SKOR1: variants seen among roughly 807,000 people sequenced by gnomAD.
SKOR1 encodes the protein SKI family transcriptional corepressor 1, also known as LBX1 corepressor 1.
A neutral mutation model predicts 72.4 loss-of-function variants in SKOR1; 38 were observed. The ratio of observed to expected loss-of-function variants is 0.52; its 90% confidence interval spans 0.40 to 0.69. The LOEUF is 0.69. Among genes scored for constraint, SKOR1 ranks in the 30% least tolerant of loss-of-function variants. The pLI is 0.00. For missense variants in SKOR1, 1,320 were observed against 1,343.2 expected (o/e 0.98, Z 0.27); for synonymous variants, 642 against 599.4 (o/e 1.07, Z -1.04).
rs1426678126 is a variant in SKOR1 at position 67,826,282 on chromosome 15, G to A, written c.454G>A (p.Gly152Ser). Residue 152 changes from glycine (G) to serine (S), a missense_variant, in exon 2 of 9, where the codon GGC (glycine) becomes AGC (serine). This residue lies in a region of SKOR1 where 101 missense variants were observed against 212.8 expected (regional missense o/e 0.47). Transcript: ENST00000380035. ...GAMPISSRRC[G>S]MITKREAERL... ...CATGCCCATCTCGTCGCGCCGCTGC[G>A]GCATGATCACTAAGCGAGAGGCCGA... The A allele has an allele frequency of 6.2e-7, 1 of 1,613,224 alleles. No homozygotes were observed. The highest frequency in any genetic ancestry group is 1.3e-5 in the African/African-American group (1 of 74,950).
rs202165325 is a variant in SKOR1, at chr15:67,830,819, C to A, written c.2517C>A (p.Gly839=). The part of the protein sequence containing the change: ...SQPSPANTDR[G]EDGLTLDVTG... Reference sequence around the variant, plus strand: ...CTCTTACCTGCCCCTGTATCCCAGGCGAAGATGGGCTTACCTTGGATGTCA... The same window carrying A: ...CTCTTACCTGCCCCTGTATCCCAGGAGAAGATGGGCTTACCTTGGATGTCA... The change falls in exon 5 of 9, where the codon GGC becomes GGA. Residue 839 remains glycine, a splice_region_variant and synonymous_variant. Coordinates refer to ENST00000380035, the MANE Select transcript of SKOR1 (RefSeq NM_001365915.1). The A allele has an allele frequency of 2.5e-6, 4 of 1,613,980 alleles. No individual in the cohort carries two copies. In the South Asian group the frequency reaches 3.3e-5, roughly 13 times the overall value.
intron 3 of SKOR1, among the ~76,000 whole-genome samples, 187 bp downstream of exon 3, chr15:67,829,456 AAAC>A (rs886127858): frequency 2.6e-5 from 4 of 152,232 alleles, no homozygotes; most frequent in Admixed American, 2.6e-4. Flanking sequence ...AGTTACTTAA[AAAC>A]AACAGTGACA....
Position 67,833,267 on chromosome 15 carries a change from C to T in SKOR1, c.2803+10C>T. On this transcript the variant is annotated intron_variant, in intron 8 of 8. Coordinates refer to ENST00000380035, the MANE Select transcript of SKOR1 (RefSeq NM_001365915.1). The surrounding 1 kb of genome is among the most constrained non-coding windows in gnomAD (Gnocchi z 6.0). ...CAGCAGAAATTGAAAGGTGCGGAAG[C>T]CGGGAAACAAAGATAGGAGGGGTGC... The T allele has an allele frequency of 6.2e-7, 1 of 1,613,974 alleles. No homozygotes were observed. The highest frequency in any genetic ancestry group is 8.5e-7 in the Non-Finnish European group (1 of 1,179,968).
In SKOR1 at chr15:67,833,770, C is replaced by T. The variant is rs2091026757; in HGVS notation, c.2832C>T (p.Ser944=). Residue 944 remains serine (S), a synonymous_variant, in exon 9 of 9, where the codon TCC becomes TCT. Transcript: ENST00000380035. This position sits in a 1 kb window ranked among gnomAD's most constrained non-coding sequence, Gnocchi z 6.0. ...CCCACGACGCCCTGCACCATTTCTC[C>T]TGCAAGATGCTGACGCCCCGCCACT... The part of the protein sequence containing the change: ...KEAHDALHHF[S]CKMLTPRHCT... 6.2e-7 allele frequency: 1 copy of T among 1,613,564 alleles called. No homozygotes were observed. Among genetic ancestry groups the T allele is most frequent in the African/African-American group, 1.3e-5 (1 of 75,070 alleles).
chr15:67,833,909 T>A lies in SKOR1; in HGVS notation c.*73T>A, dbSNP rs2141371339. The A allele has an allele frequency of 6.7e-7, 1 of 1,497,548 alleles. No homozygotes were observed. Among genetic ancestry groups the A allele is most frequent in the South Asian group, 1.1e-5 (1 of 88,954 alleles). The allele number at this position is 1,497,548 out of a possible 1,614,324, so 92.8% of individuals were successfully genotyped here. A position where few individuals can be genotyped will look rare whatever the true frequency, so the allele number is the denominator to read the frequency against. On this transcript the variant is annotated 3_prime_UTR_variant, in exon 9 of 9. Coordinates refer to ENST00000380035, the MANE Select transcript of SKOR1 (RefSeq NM_001365915.1). This position sits in a 1 kb window ranked among gnomAD's most constrained non-coding sequence, Gnocchi z 6.0. ...TAAATACCCGCTGCTGCGGTGGCCC[T>A]GAGCGAGGAACAAGCCATTCGGACC...
Position 67,826,019 on chromosome 15 carries a change from A to G in SKOR1, c.191A>G (p.Gln64Arg), listed in dbSNP as rs1364572419. Residue 64 changes from glutamine to arginine, a missense_variant, in exon 2 of 9, where the codon CAG (glutamine) becomes CGG (arginine). Physicochemically the swap from Gln to Arg is conservative, Grantham distance 43 (BLOSUM62 1). Around this residue, in one of 3 missense-constraint regions of SKOR1, gnomAD observed 120 missense variants for 104.9 expected, o/e 1.14. Coordinates refer to ENST00000380035, the MANE Select transcript of SKOR1 (RefSeq NM_001365915.1). ...TCGCCCAACTCCAAGCAGGAGCTGC[A>G]GCCGTACTCGGGCTCCAGCGCTCTC... The part of the protein sequence containing the change: ...SSSPNSKQEL[Q>R]PYSGSSALKP... The G allele has an allele frequency of 6.4e-7, 1 of 1,556,614 alleles. No homozygotes were observed. Among genetic ancestry groups the G allele is most frequent in the South Asian group, 1.2e-5 (1 of 83,506 alleles).
Position 67,827,940 on chromosome 15 carries a change from C to T in SKOR1, c.2112C>T (p.Gly704=), listed in dbSNP as rs927453006. ...PTGPPSATSS[G]ADGPANSPDG... Reference sequence around the variant, plus strand: ...GACCCCCTTCCGCCACCTCCTCTGGCGCGGACGGTCCCGCAAACTCTCCCG... The same window carrying T: ...GACCCCCTTCCGCCACCTCCTCTGGTGCGGACGGTCCCGCAAACTCTCCCG... The change falls in exon 2 of 9, where the codon GGC becomes GGT. Residue 704 remains glycine (G), a synonymous_variant. Transcript: ENST00000380035. 9 of 1,575,320 alleles carry T rather than the reference C, an allele frequency of 5.7e-6. No homozygotes were observed. The highest frequency in any genetic ancestry group is 7.7e-6 in the Non-Finnish European group (9 of 1,162,072).
In SKOR1 at chr15:67,827,147, G is replaced by GT; in HGVS notation, c.1319_1320insT (p.Ala443SerfsTer165). On this transcript the variant is annotated frameshift_variant, in exon 2 of 9. Transcript: ENST00000380035. LOFTEE classifies it high-confidence loss of function. ...GCGGGGACAGGCGGGGGTGCGGGGG[G>GT]CCCGGGAGCCAGCCACTTGCCCCCG... The GT allele has an allele frequency of 7.3e-7, 1 of 1,362,424 alleles. No individual in the cohort carries two copies. The allele number at this position is 1,362,424 out of a possible 1,614,324, so 84.4% of individuals were successfully genotyped here. A position where few individuals can be genotyped will look rare whatever the true frequency, so the allele number is the denominator to read the frequency against.
At chr15:67,829,116 T>C (rs2090988482) in intron 2 of SKOR1, 63 bp from the exon 3 acceptor site, 4 of 1,430,352 alleles carry the variant, frequency 2.8e-6, no homozygotes, top group Non-Finnish European at 3.7e-6. Context: ...GGGGTAGGGC[T>C]GGGCGTCTTT....
At position 67,828,158 on chromosome 15, in the gene SKOR1, C is replaced by A; in HGVS notation, c.2316+14C>A. On this transcript the variant is annotated intron_variant, in intron 2 of 8. Transcript: ENST00000380035. ...GCGCCGGCCAAGGTGAGCCCCGCGCCCGCCCCGCCAGTGGCGCCTTCCCAC... is the reference window on the plus strand; with the variant it reads ...GCGCCGGCCAAGGTGAGCCCCGCGCACGCCCCGCCAGTGGCGCCTTCCCAC... 7.0e-7 allele frequency: 1 copy of A among 1,425,324 alleles called. No individual in the cohort carries two copies. The highest frequency in any genetic ancestry group is 1.5e-5 in the South Asian group (1 of 67,228). 88.3% of individuals were successfully genotyped at this position (1,425,324 alleles called of 1,614,324 possible). A position where few individuals can be genotyped will look rare whatever the true frequency, so the allele number is the denominator to read the frequency against.
Position 67,827,150 on chromosome 15 carries a change from C to T in SKOR1, c.1322C>T (p.Pro441Leu), listed in dbSNP as rs1456723862. 1.5e-6 allele frequency: 2 copies of T among 1,356,514 alleles called. No homozygotes were observed. Among genetic ancestry groups the T allele is most frequent in the Non-Finnish European group, 1.9e-6 (2 of 1,065,308 alleles). The allele number at this position is 1,356,514 out of a possible 1,614,324, so 84.0% of individuals were successfully genotyped here. A position where few individuals can be genotyped will look rare whatever the true frequency, so the allele number is the denominator to read the frequency against. The change falls in exon 2 of 9, where the codon CCG becomes CTG. Residue 441 changes from proline to leucine, a missense_variant. Around this residue, in one of 3 missense-constraint regions of SKOR1, gnomAD observed 1,099 missense variants for 1,025.5 expected, o/e 1.07. Coordinates refer to ENST00000380035, the MANE Select transcript of SKOR1 (RefSeq NM_001365915.1). ...GAGTGGGAGG[P>L]GASHLPPGAG... The stretch of plus-strand genomic sequence containing the variant: ...GGGACAGGCGGGGGTGCGGGGGGCC[C>T]GGGAGCCAGCCACTTGCCCCCGGGG...
At position 67,827,329 on chromosome 15, in the gene SKOR1, C is replaced by T; in HGVS notation, c.1501C>T (p.Pro501Ser). 6.3e-7 allele frequency: 1 copy of T among 1,589,372 alleles called. No homozygotes were observed. The highest frequency in any genetic ancestry group is 8.5e-7 in the Non-Finnish European group (1 of 1,175,792). Residue 501 changes from proline to serine, a missense_variant, in exon 2 of 9, where the codon CCG becomes TCG. Transcript: ENST00000380035. ...GCCAGCAGCAGGCAGCCTCCCGGTACCGTCCTACCCCGCTGCTCAGAGCCA... is the reference window on the plus strand; with the variant it reads ...GCCAGCAGCAGGCAGCCTCCCGGTATCGTCCTACCCCGCTGCTCAGAGCCA... The part of the protein sequence containing the change: ...FWPAAGSLPV[P>S]SYPAAQSQAK...
Position 67,826,741 on chromosome 15 carries a change from G to T in SKOR1, c.913G>T (p.Gly305Cys), listed in dbSNP as rs759761817. The T allele has an allele frequency of 6.5e-7, 1 of 1,536,924 alleles. No homozygotes were observed. Reference sequence around the variant, plus strand: ...GCAGGGGAAGGGTGGTGCTGGCGGCGGTGGCGGCGGTGGCCCAGGGTGCGG... The same window carrying T: ...GCAGGGGAAGGGTGGTGCTGGCGGCTGTGGCGGCGGTGGCCCAGGGTGCGG... ...GGQGKGGAGG[G>C]GGGGPGCGAE... is the part of the protein sequence containing the mutation. The change falls in exon 2 of 9, where the codon GGT (glycine) becomes TGT (cysteine). Residue 305 changes from glycine to cysteine, a missense_variant. By Grantham distance (159) the Gly-to-Cys change is radical. Around this residue, in one of 3 missense-constraint regions of SKOR1, gnomAD observed 1,099 missense variants for 1,025.5 expected, o/e 1.07. Transcript: ENST00000380035.
chr15:67,825,828 C>G lies in SKOR1; in HGVS notation c.108-108C>G, dbSNP rs1424846863. The G allele has an allele frequency of 1.3e-6, 2 of 1,518,094 alleles. No individual in the cohort carries two copies. Among genetic ancestry groups the G allele is most frequent in the Non-Finnish European group, 1.8e-6 (2 of 1,138,770 alleles). The allele number at this position is 1,518,094 out of a possible 1,614,324, so 94.0% of individuals were successfully genotyped here. On this transcript the variant is annotated intron_variant, in intron 1 of 8. Coordinates refer to ENST00000380035, the MANE Select transcript of SKOR1 (RefSeq NM_001365915.1). The surrounding 1 kb of genome is among the most constrained non-coding windows in gnomAD (Gnocchi z 5.6). ...GTGAATGAGTTTGGACTCCCCACTG[C>G]CAAGTATCCCCCGCGCGCCCAACTC...
In SKOR1 at chr15:67,826,031, G is replaced by A; in HGVS notation, c.203G>A (p.Gly68Asp). Residue 68 changes from glycine (G) to aspartate (D), a missense_variant, in exon 2 of 9, where the codon GGC (glycine) becomes GAC (aspartate). By Grantham distance (94) the Gly-to-Asp change is moderately conservative. Around this residue, in one of 3 missense-constraint regions of SKOR1, gnomAD observed 120 missense variants for 104.9 expected, o/e 1.14. Transcript: ENST00000380035. Reference protein sequence around the residue: ...NSKQELQPYSGSSALKPNQVG... With the variant: ...NSKQELQPYSDSSALKPNQVG... ...AAGCAGGAGCTGCAGCCGTACTCGGGCTCCAGCGCTCTCAAACCCAACCAG... is the reference window on the plus strand; with the variant it reads ...AAGCAGGAGCTGCAGCCGTACTCGGACTCCAGCGCTCTCAAACCCAACCAG... 1.3e-6 allele frequency: 2 copies of A among 1,569,342 alleles called. No individual in the cohort carries two copies. Among genetic ancestry groups the A allele is most frequent in the Middle Eastern group, 1.7e-4 (1 of 5,836 alleles).
rs1208213846 is a variant in SKOR1 at position 67,827,092 on chromosome 15, G to A, written c.1264G>A (p.Gly422Ser). The A allele has an allele frequency of 6.6e-7, 1 of 1,503,984 alleles. No homozygotes were observed. 93.2% of individuals were successfully genotyped at this position (1,503,984 alleles called of 1,614,324 possible). The change falls in exon 2 of 9, where the codon GGT (glycine) becomes AGT (serine). Residue 422 changes from glycine (G) to serine (S), a missense_variant. By Grantham distance (56) the Gly-to-Ser change is moderately conservative (BLOSUM62 0). Around this residue, in one of 3 missense-constraint regions of SKOR1, gnomAD observed 1,099 missense variants for 1,025.5 expected, o/e 1.07. Transcript: ENST00000380035. ...PVLGAGEPKG[G>S]PGTGSGGGGA... Reference sequence around the variant, plus strand: ...TTTAGGCGCGGGCGAGCCAAAGGGCGGTCCTGGCACTGGGAGCGGCGGCGG... The same window carrying A: ...TTTAGGCGCGGGCGAGCCAAAGGGCAGTCCTGGCACTGGGAGCGGCGGCGG...
chr15:67,825,845 G>T lies in SKOR1; in HGVS notation c.108-91G>T. 2.0e-6 allele frequency: 3 copies of T among 1,514,528 alleles called. No individual in the cohort carries two copies. The highest frequency in any genetic ancestry group is 2.6e-6 in the Non-Finnish European group (3 of 1,138,640). 93.8% of individuals were successfully genotyped at this position (1,514,528 alleles called of 1,614,324 possible). On this transcript the variant is annotated intron_variant, in intron 1 of 8. Coordinates refer to ENST00000380035, the MANE Select transcript of SKOR1 (RefSeq NM_001365915.1). The surrounding 1 kb of genome is among the most constrained non-coding windows in gnomAD (Gnocchi z 5.6). Reference sequence around the variant, plus strand: ...CCCCACTGCCAAGTATCCCCCGCGCGCCCAACTCGGAGCGCCCTGCTGGGC... The same window carrying T: ...CCCCACTGCCAAGTATCCCCCGCGCTCCCAACTCGGAGCGCCCTGCTGGGC...
In SKOR1 at chr15:67,829,236, G is replaced by A; in HGVS notation, c.2374G>A (p.Ala792Thr). The A allele has an allele frequency of 6.4e-7, 1 of 1,571,246 alleles. No homozygotes were observed. The highest frequency in any genetic ancestry group is 2.3e-5 in the East Asian group (1 of 43,204). Residue 792 changes from alanine to threonine, a missense_variant, in exon 3 of 9, where the codon GCG (alanine) becomes ACG (threonine). This residue lies in a region of SKOR1 where 1,099 missense variants were observed against 1,025.5 expected (regional missense o/e 1.07). Coordinates refer to ENST00000380035, the MANE Select transcript of SKOR1 (RefSeq NM_001365915.1). ...VKSAAVALGP[A>T]ASYVCTPEAH... is the part of the protein sequence containing the mutation. ...GAGCGCGGCGGTGGCGCTGGGGCCC[G>A]CGGCCTCCTACGTCTGCACCCCCGA...
chr15:67,832,618 G>A lies in SKOR1; in HGVS notation c.2674G>A (p.Asp892Asn), dbSNP rs1566977450. The A allele has an allele frequency of 6.2e-7, 1 of 1,613,984 alleles. No individual in the cohort carries two copies. The highest frequency in any genetic ancestry group is 8.5e-7 in the Non-Finnish European group (1 of 1,179,962). Residue 892 changes from aspartate to asparagine, a missense_variant, in exon 7 of 9, where the codon GAT (aspartate) becomes AAT (asparagine). By Grantham distance (23) the Asp-to-Asn change is conservative. Around this residue, in one of 3 missense-constraint regions of SKOR1, gnomAD observed 1,099 missense variants for 1,025.5 expected, o/e 1.07. Transcript: ENST00000380035. The surrounding 1 kb of genome is among the most constrained non-coding windows in gnomAD (Gnocchi z 4.5). ...EFQSLKDNFQ[D>N]QMKRELAYRE... is the part of the protein sequence containing the mutation. ...ATCAATTTGCACAGATAATTTTCAGGATCAAATGAAGAGGGAATTGGCTTA... is the reference window on the plus strand; with the variant it reads ...ATCAATTTGCACAGATAATTTTCAGAATCAAATGAAGAGGGAATTGGCTTA...
Sources: gnomAD v4.1 joint callset for allele counts (sites outside exome capture counted in the v4.1 genomes callset) on GRCh38, gnomAD v4.1.1 for gene constraint, gnomAD v4.1.1 regional missense constraint, Gnocchi (gnomAD v3.1) non-coding constraint, MANE v1.5 for transcripts, NCBI Gene and HGNC (gene_info 2026-07-23, HGNC 2026-07-21) for gene names.